Variants in PKP3 observed in about 807,000 individuals in gnomAD.
The protein encoded by PKP3 is plakophilin 3, also known as plakophilin-3.
PKP3 carries 66 observed loss-of-function variants against 76.5 expected under a neutral mutation model. The ratio of observed to expected loss-of-function variants is 0.86; its 90% CI spans 0.71 to 1.06. The LOEUF (loss-of-function observed/expected upper bound fraction) is 1.06. Ranked by LOEUF, PKP3 falls within the 50% of genes least tolerant of loss-of-function variation. The pLI is 0.00. For synonymous variants in PKP3, 638 were observed against 516.5 expected, an observed-to-expected ratio of 1.24 and a Z score of -3.19; for missense variants, 1,338 against 1,141.0, an observed-to-expected ratio of 1.17 and a Z score of -2.49.
chr11:400,337 CCTCAG>C lies in PKP3; in HGVS notation c.1459_1463del (p.Ser487LeufsTer199), dbSNP rs1177297490. On this transcript the variant is annotated frameshift_variant, in exon 7 of 13. Coordinates refer to ENST00000331563, the MANE Select transcript of PKP3 (RefSeq NM_007183.4). LOFTEE classifies it high-confidence loss of function. Reference sequence around the variant, plus strand: ...TCTGATCCACCTCGGTCCCCAGGAACCTCAGCTCAGCCTCTCAGGCCACTCGCCAG... The same window carrying C: ...TCTGATCCACCTCGGTCCCCAGGAACCTCAGCCTCTCAGGCCACTCGCCAG... The C allele has an allele frequency of 6.5e-7, 1 of 1,548,492 alleles. No homozygotes were observed. Among genetic ancestry groups the C allele is most frequent in the African/African-American group, 1.4e-5 (1 of 73,146 alleles).
In PKP3 at chr11:396,804, C is replaced by A; in HGVS notation, c.313-10C>A. 6.4e-7 allele frequency: 1 copy of A among 1,573,048 alleles called. No individual in the cohort carries two copies. The highest frequency in any genetic ancestry group is 8.6e-7 in the Non-Finnish European group (1 of 1,163,372). ...CAGGCACGCCCTCACCGCCCCCTCT[C>A]GACCCACAGGGCTTCCGGCCCATCG... is the stretch of plus-strand genomic sequence containing the variant. On this transcript the variant is annotated splice_polypyrimidine_tract_variant and intron_variant, in intron 2 of 12. Coordinates refer to ENST00000331563, the MANE Select transcript of PKP3 (RefSeq NM_007183.4).
chr11:398,180 C>A (rs112280347), intron 4 of PKP3, among the ~76,000 whole-genome samples: 2 of 57,532 alleles, frequency 3.5e-5, no homozygotes, highest in South Asian at 7.5e-4. Flanking sequence ...CGTCACCTCC[C>A]TACCCCCACA....
At position 397,586 on chromosome 11, in the gene PKP3, C is replaced by G. The variant is rs373683264; in HGVS notation, c.992C>G (p.Ser331Ter). 6.2e-7 allele frequency: 1 copy of G among 1,612,056 alleles called. No individual in the cohort carries two copies. Among genetic ancestry groups the G allele is most frequent in the African/African-American group, 1.3e-5 (1 of 74,844 alleles). Residue 331 changes from serine to a stop codon, truncating the protein, a stop_gained, in exon 4 of 13, where the codon TCA becomes TGA. Transcript: ENST00000331563. LOFTEE classifies it high-confidence loss of function. The stretch of plus-strand genomic sequence containing the variant: ...TCAGCAGTCAAGTACCTCATGGCTT[C>G]AGACCCCAACCTGCAGGTGCTGGGA... The part of the protein sequence containing the change: ...LPSAVKYLMA[S>*]DPNLQVLGAA...
intron 9 of PKP3, 86 bp downstream of exon 9, chr11:403,349 G>C: frequency 8.8e-7 from 1 of 1,137,158 alleles, no homozygotes; most frequent in Non-Finnish European, 1.2e-6. Flanking sequence ...AGGGGAGGAG[G>C]AAGGGGACGC....
In PKP3 at chr11:394,561, G is replaced by C. The variant is rs1036996291; in HGVS notation, c.232+37G>C. On this transcript the variant is annotated intron_variant, in intron 1 of 12. Transcript: ENST00000331563. ...GGACAGCGGCGGGGATGGCGGTGGC[G>C]GGGAGAGGTGGCTGCGGGCGGACGT... is the stretch of plus-strand genomic sequence containing the variant. The C allele has an allele frequency of 1.7e-5, 23 of 1,341,602 alleles. No homozygotes were observed. In the East Asian group the frequency reaches 7.1e-4, roughly 42 times the overall value. The allele number at this position is 1,341,602 out of a possible 1,614,324, so 83.1% of individuals were successfully genotyped here.
At position 404,857 on chromosome 11, in the gene PKP3, G is replaced by T; in HGVS notation, c.*288G>T. The T allele has an allele frequency of 2.0e-6, 1 of 495,600 alleles. No individual in the cohort carries two copies. The highest frequency in any genetic ancestry group is 2.2e-5 in the South Asian group (1 of 44,978). 30.7% of individuals were successfully genotyped at this position (495,600 alleles called of 1,614,324 possible). ...AGAGGTGGGGGTTGGCTGTGGCCTG[G>T]CAGTATCTTGGGATAGCCAGCACTG... On this transcript the variant is annotated 3_prime_UTR_variant, in exon 13 of 13. Coordinates refer to ENST00000331563, the MANE Select transcript of PKP3 (RefSeq NM_007183.4). This position sits in a 1 kb window ranked among gnomAD's most constrained non-coding sequence, Gnocchi z 4.2.
Position 397,535 on chromosome 11 carries a change from G to A in PKP3, c.945-4G>A, listed in dbSNP as rs771957376. 53 of 1,612,022 alleles carry A rather than the reference G, an allele frequency of 3.3e-5. No homozygotes were observed. The highest frequency in any genetic ancestry group is 4.2e-5 in the Non-Finnish European group (49 of 1,179,578). On this transcript the variant is annotated splice_region_variant and splice_polypyrimidine_tract_variant and intron_variant, in intron 3 of 12. Transcript: ENST00000331563. ...AGCCTGACCCCTGACCCCTGGCTCC[G>A]CAGTTTTGATGACATTGACCTGCCC...
intron 4 of PKP3, among the ~76,000 whole-genome samples, chr11:398,140 T>TG (rs1847085636): frequency 4.0e-5 from 2 of 50,066 alleles, no homozygotes; most frequent in Non-Finnish European, 7.1e-5. Context: ...CACATATACC[T>TG]CATCACCTCC....
At chr11:393,692 C>T (rs944780228), upstream of PKP3, among the ~76,000 whole-genome samples, 3 of 152,094 alleles carry the variant, frequency 2.0e-5, no homozygotes, top group African/African-American at 7.2e-5. Context: ...GTCCTGATCC[C>T]TGGCACTGAC....
intron 1 of PKP3, among the ~76,000 whole-genome samples, chr11:395,920 C>G (rs771585746): frequency 1.8e-4 from 27 of 152,192 alleles, no homozygotes; most frequent in Non-Finnish European, 3.7e-4. Context: ...CCTCCATCCA[C>G]CACTCTGTCC....
chr11:399,345 C>A (rs577283372), intron 5 of PKP3, 149 bp downstream of exon 5: 96 of 283,046 alleles, frequency 3.4e-4, no homozygotes, highest in African/African-American at 3.3e-3. Context: ...CCCCCCTACT[C>A]CTCCTCCCCC....
chr11:404,501 T>C lies in PKP3; in HGVS notation c.2359-33T>C. ...GGGCAGAGGGCCACATGGGCAGACA[T>C]GCACCCTGACCTTGGGCCTCTCTCC... is the stretch of plus-strand genomic sequence containing the variant. On this transcript the variant is annotated intron_variant, in intron 12 of 12. Transcript: ENST00000331563. This position sits in a 1 kb window ranked among gnomAD's most constrained non-coding sequence, Gnocchi z 4.2. 6.2e-7 allele frequency: 1 copy of C among 1,610,710 alleles called. No individual in the cohort carries two copies.
chr11:396,713 G>C (rs770458816), intron 2 of PKP3, 26 bp downstream of exon 2: 5 of 1,598,344 alleles, frequency 3.1e-6, no homozygotes, highest in Middle Eastern at 1.7e-4. Context: ...AGCCCGAGGG[G>C]GACGATCTGA....
At position 404,131 on chromosome 11, in the gene PKP3, G is replaced by A; in HGVS notation, c.2266G>A (p.Asp756Asn). 1 of 1,609,750 alleles carries A rather than the reference G, an allele frequency of 6.2e-7. No individual in the cohort carries two copies. Among genetic ancestry groups the A allele is most frequent in the Non-Finnish European group, 8.5e-7 (1 of 1,177,902 alleles). The stretch of plus-strand genomic sequence containing the variant: ...GCTCATCTTCATCAAGAAGAAGCGG[G>A]ACAGGTAGGGGCCGACCCAGCCGTG... ...RKLIFIKKKR[D>N]SPDSEKSSRA... is the part of the protein sequence containing the mutation. Residue 756 changes from aspartate to asparagine, a missense_variant, in exon 11 of 13, where the codon GAC becomes AAC. Asp to Asn is a conservative substitution (Grantham distance 23). Coordinates refer to ENST00000331563, the MANE Select transcript of PKP3 (RefSeq NM_007183.4). This position sits in a 1 kb window ranked among gnomAD's most constrained non-coding sequence, Gnocchi z 4.2.
chr11:395,223 C>T (rs1847029779), intron 1 of PKP3, among the ~76,000 whole-genome samples: 1 of 152,186 alleles, frequency 6.6e-6, no homozygotes, highest in South Asian at 2.1e-4. Context: ...CTAGGAACGC[C>T]ATTTCCTCCT....
chr11:394,167 T>C, upstream of PKP3: 2 of 1,348,734 alleles, frequency 1.5e-6, no homozygotes, highest in Non-Finnish European at 1.9e-6. Context: ...CAGGCGTCTG[T>C]CTTCAGGCGG....
At chr11:394,623 C>T in intron 1 of PKP3, 99 bp downstream of exon 1, 2 of 1,018,972 alleles carry the variant, frequency 2.0e-6, no homozygotes, top group Non-Finnish European at 2.6e-6. Flanking sequence ...GAGGCCGGCT[C>T]CTGACTCACC....
chr11:400,520 C>T lies in PKP3; in HGVS notation c.1567-15C>T, dbSNP rs1196109378. ...CGCTCTGACCCGCGCCCCTGCCCCGCGCCCCCGCCCGCAGAGCGTGGAGAA... is the reference window on the plus strand; with the variant it reads ...CGCTCTGACCCGCGCCCCTGCCCCGTGCCCCCGCCCGCAGAGCGTGGAGAA... On this transcript the variant is annotated splice_polypyrimidine_tract_variant and intron_variant, in intron 7 of 12. Coordinates refer to ENST00000331563, the MANE Select transcript of PKP3 (RefSeq NM_007183.4). 1.3e-6 allele frequency: 2 copies of T among 1,489,520 alleles called. No individual in the cohort carries two copies. Among genetic ancestry groups the T allele is most frequent in the African/African-American group, 2.9e-5 (2 of 69,608 alleles). The allele number at this position is 1,489,520 out of a possible 1,614,324, so 92.3% of individuals were successfully genotyped here.
rs768456611 is a variant in PKP3, at chr11:397,424, C to T, written c.923C>T (p.Thr308Ile). The T allele has an allele frequency of 1.9e-6, 3 of 1,612,292 alleles. No homozygotes were observed. Among genetic ancestry groups the T allele is most frequent in the South Asian group, 2.2e-5 (2 of 91,080 alleles). ...TTCAACAGCTACGGTAGCCACCGAACCCTGCAGAGACTCAGCAGCGGGTGA... is the reference window on the plus strand; with the variant it reads ...TTCAACAGCTACGGTAGCCACCGAATCCTGCAGAGACTCAGCAGCGGGTGA... Reference protein sequence around the residue: ...HGFNSYGSHRTLQRLSSGFDD... With the variant: ...HGFNSYGSHRILQRLSSGFDD... Residue 308 changes from threonine to isoleucine, a missense_variant, in exon 3 of 13, where the codon ACC becomes ATC. Coordinates refer to ENST00000331563, the MANE Select transcript of PKP3 (RefSeq NM_007183.4).
Sources: gnomAD v4.1 joint callset for allele counts (sites outside exome capture counted in the v4.1 genomes callset) on GRCh38, gnomAD v4.1.1 for gene constraint, Gnocchi (gnomAD v3.1) non-coding constraint, MANE v1.5 for transcripts, NCBI Gene and HGNC (gene_info 2026-07-23, HGNC 2026-07-21) for gene names.